SCLT1: variants seen among roughly 807,000 people sequenced by gnomAD.
SCLT1 encodes the protein sodium channel-associated protein 1.
Under a neutral mutation model 112.8 loss-of-function variants are expected in SCLT1, and 78 were observed. The observed-to-expected ratio is 0.69, with a 90% confidence interval of 0.58 to 0.83. The LOEUF (loss-of-function observed/expected upper bound fraction) is 0.83, where lower values mean the gene tolerates loss of function less well. Among genes scored for constraint, SCLT1 ranks in the 40% least tolerant of loss-of-function variants. SCLT1 has a pLI of 0.00. For missense variants in SCLT1, 747 were observed against 770.4 expected, an observed-to-expected ratio of 0.97 and a Z score of 0.36; for synonymous variants, 257 against 254.7, an observed-to-expected ratio of 1.01 and a Z score of -0.09.
chr4:128,965,978 C>G (rs979305356), intron 10 of SCLT1, among the ~76,000 whole-genome samples: 1 of 151,612 alleles, frequency 6.6e-6, no homozygotes, highest in African/African-American at 2.4e-5. Context: ...ATTACAGGCA[C>G]CTGCTACTGT....
At chr4:129,022,111 A>C (rs886611769) in intron 5 of SCLT1, among the ~76,000 whole-genome samples, 2 of 151,600 alleles carry the variant, frequency 1.3e-5, no homozygotes, top group African/African-American at 2.4e-5. Flanking sequence ...AACATAAAAG[A>C]CCCCCCCACA....
chr4:129,006,061 A>T (rs1743982379), intron 5 of SCLT1, among the ~76,000 whole-genome samples: 1 of 149,822 alleles, frequency 6.7e-6, no homozygotes, highest in African/African-American at 2.4e-5. Context: ...GATATACCTA[A>T]TGCTAAATGA....
At chr4:128,961,878 A>G (rs564392198) in intron 11 of SCLT1, among the ~76,000 whole-genome samples, 33 of 152,334 alleles carry the variant, frequency 2.2e-4, no homozygotes, top group African/African-American at 7.9e-4. Flanking sequence ...GAAGACTGCA[A>G]TGATTGTTAT....
intron 18 of SCLT1, among the ~76,000 whole-genome samples, chr4:128,931,512 G>A (rs367593197): frequency 8.5e-5 from 13 of 152,112 alleles, no homozygotes; most frequent in African/African-American, 3.1e-4. Flanking sequence ...GCCCAGGCTG[G>A]AGTGCAGTGG....
rs181489415 is a variant in SCLT1 at position 128,997,481 on chromosome 4, T to C, written c.615+393A>G. ...AATTTAGGAGTACCATACCAACACA[T>C]GGTCCTTAGTTTCCTAAAACTTTTT... On this transcript the variant is annotated intron_variant, in intron 8 of 20. Transcript: ENST00000281142. Among the ~76,000 whole-genome samples, 11 of 152,074 alleles carry C rather than the reference T, an allele frequency of 7.2e-5. No homozygotes were observed. The East Asian group carries it at 9.6e-4, about 13-fold the overall frequency.
intron 6 of SCLT1, among the ~76,000 whole-genome samples, chr4:129,003,262 C>T (rs1044919338): frequency 4.0e-5 from 6 of 151,800 alleles, no homozygotes; most frequent in South Asian, 4.2e-4. Flanking sequence ...GGGAGGGGAA[C>T]ATCACACACC....
intron 2 of SCLT1, among the ~76,000 whole-genome samples, chr4:129,055,917 A>G (rs897789185): frequency 6.6e-6 from 1 of 152,184 alleles, no homozygotes; most frequent in Admixed American, 6.5e-5. Flanking sequence ...CTTGAAATTC[A>G]AAGTCCTGGT....
At chr4:128,982,962 C>T (rs899990035) in intron 9 of SCLT1, among the ~76,000 whole-genome samples, 2 of 152,214 alleles carry the variant, frequency 1.3e-5, no homozygotes, top group Non-Finnish European at 2.9e-5. Flanking sequence ...GATCTCGGCT[C>T]ACCGCAACCT....
rs990937684 is a variant in SCLT1 at position 129,053,572 on chromosome 4, T to G, written c.103-9521A>C. On this transcript the variant is annotated intron_variant, in intron 2 of 20. Transcript: ENST00000281142. ...GCAATCCCTGATTTTTTTTTTTTTT[T>G]TTTTTTTTTTTTTTTTTTGCTTTCC... 2.7e-3 allele frequency among the ~76,000 whole-genome samples: 325 copies of G among 121,646 alleles called. 1 individual carries two copies. The highest frequency in any genetic ancestry group is 0.011 in the African/African-American group (302 of 27,962). The allele number at this position is 121,646 out of a possible 152,430, so 79.8% of individuals were successfully genotyped here.
At chr4:129,034,401 CTG>C (rs1320411363) in intron 5 of SCLT1, among the ~76,000 whole-genome samples, 1 of 151,042 alleles carries the variant, frequency 6.6e-6, no homozygotes, top group Non-Finnish European at 1.5e-5. Flanking sequence ...TTATTTAAAT[CTG>C]TAACATATTT....
chr4:128,997,639 A>G (rs1743123180), intron 8 of SCLT1, among the ~76,000 whole-genome samples: 2 of 151,924 alleles, frequency 1.3e-5, no homozygotes, highest in South Asian at 4.1e-4. Context: ...TAGTCTAAGG[A>G]GACCTTACTA....
chr4:128,983,985 A>C (rs1336901512), intron 9 of SCLT1, among the ~76,000 whole-genome samples: 3 of 152,208 alleles, frequency 2.0e-5, no homozygotes, highest in Non-Finnish European at 1.5e-5. Flanking sequence ...GCATCTGTTT[A>C]TCCTTATGTT....
chr4:128,980,940 A>G (rs1741593250), intron 9 of SCLT1, among the ~76,000 whole-genome samples: 1 of 152,194 alleles, frequency 6.6e-6, no homozygotes, highest in Non-Finnish European at 1.5e-5. Flanking sequence ...CACAAATAGA[A>G]AATCCACATG....
intron 18 of SCLT1, among the ~76,000 whole-genome samples, chr4:128,898,500 A>C (rs1733978618): frequency 6.6e-6 from 1 of 152,220 alleles, no homozygotes; most frequent in Non-Finnish European, 1.5e-5. Flanking sequence ...AACATACCAG[A>C]ATCTCTGGGA....
intron 18 of SCLT1, among the ~76,000 whole-genome samples, chr4:128,905,021 C>T (rs1390066345): frequency 2.0e-5 from 3 of 152,264 alleles, no homozygotes; most frequent in Admixed American, 6.5e-5. Flanking sequence ...TATAACATTA[C>T]AAATTTCTAT....
intron 2 of SCLT1, among the ~76,000 whole-genome samples, 189 bp downstream of exon 2, chr4:129,082,117 T>G (rs1751992225): frequency 6.6e-6 from 1 of 152,144 alleles, no homozygotes; most frequent in South Asian, 2.1e-4. Context: ...ATTTTATATA[T>G]CATATATAAT....
intron 5 of SCLT1, among the ~76,000 whole-genome samples, chr4:129,008,037 C>T (rs1449143358): frequency 1.3e-5 from 2 of 152,148 alleles, no homozygotes; most frequent in Non-Finnish European, 2.9e-5. Flanking sequence ...CATTTACACT[C>T]TTCCTAAATG....
chr4:128,947,297 G>A (rs1738255294), intron 15 of SCLT1, among the ~76,000 whole-genome samples: 1 of 152,134 alleles, frequency 6.6e-6, no homozygotes, highest in African/African-American at 2.4e-5. Flanking sequence ...AAACCCTGAT[G>A]TGTAACAGGT....
intron 5 of SCLT1, among the ~76,000 whole-genome samples, chr4:129,014,632 T>C (rs1382342430): frequency 3.3e-5 from 5 of 152,352 alleles, no homozygotes; most frequent in Middle Eastern, 3.4e-3. Flanking sequence ...GGGATTTGTA[T>C]TGGGCCCTGA....
Sources: allele counts gnomAD v4.1 joint callset (sites outside exome capture counted in the v4.1 genomes callset), GRCh38; gene constraint gnomAD v4.1.1; transcripts MANE v1.5; gene names NCBI Gene and HGNC (gene_info 2026-07-23, HGNC 2026-07-21).